The following ATXN1 variants were observed in gnomAD, a reference collection of about 807,000 sequenced individuals.
ATXN1 encodes the protein ataxin-1.
In ATXN1, 8 loss-of-function variants were observed where a neutral mutation model predicts 56.4. The observed-to-expected ratio is 0.14, with a 90% CI of 0.08 to 0.26. The LOEUF (loss-of-function observed/expected upper bound fraction) is 0.26. Among genes scored for constraint, ATXN1 ranks in the 10% least tolerant of loss-of-function variants. The probability of loss-of-function intolerance (pLI) is 1.00; values close to 1 mark genes in which losing one functional copy is unlikely to be tolerated. For synonymous variants in ATXN1, 514 were observed against 494.6 expected (o/e 1.04, Z -0.52); for missense variants, 987 against 1,106.5 (o/e 0.89, Z 1.53).
chr6:16,677,647 C>G (rs1337484619), intron 2 of ATXN1, among the ~76,000 whole-genome samples: 1 of 152,170 alleles, frequency 6.6e-6, no homozygotes. Context: ...GTGCCGTTGT[C>G]TGCTGAAGGT....
intron 2 of ATXN1, among the ~76,000 whole-genome samples, chr6:16,684,116 T>A (rs907206892): frequency 2.0e-5 from 3 of 152,208 alleles, no homozygotes; most frequent in Non-Finnish European, 2.9e-5. Context: ...CTTCAGGGAC[T>A]ATTGTCAAAC....
chr6:16,409,516 G>C (rs1758754573), intron 6 of ATXN1, among the ~76,000 whole-genome samples: 3 of 152,002 alleles, frequency 2.0e-5, no homozygotes, highest in Admixed American at 2.0e-4. Context: ...AACCTGGCGT[G>C]GTGGCTCACG....
chr6:16,758,084 A>G (rs925128119), intron 1 of ATXN1, among the ~76,000 whole-genome samples: 2 of 152,226 alleles, frequency 1.3e-5, no homozygotes, highest in African/African-American at 4.8e-5. Context: ...ATCACAGCCA[A>G]TAGATCCAAA....
intron 6 of ATXN1, among the ~76,000 whole-genome samples, chr6:16,386,616 C>T (rs2113514536): frequency 6.6e-6 from 1 of 152,230 alleles, no homozygotes; most frequent in African/African-American, 2.4e-5. Flanking sequence ...TGATCTGCTG[C>T]ACAAGGCCAC....
chr6:16,319,930 C>A (rs1296410977), intron 7 of ATXN1, among the ~76,000 whole-genome samples: 1 of 151,784 alleles, frequency 6.6e-6, no homozygotes, highest in African/African-American at 2.4e-5. Flanking sequence ...TCTGTTGGAG[C>A]CTTTCCAGCA....
intron 4 of ATXN1, among the ~76,000 whole-genome samples, chr6:16,576,151 A>G (rs950756386): frequency 6.6e-6 from 1 of 152,144 alleles, no homozygotes; most frequent in Non-Finnish European, 1.5e-5. Flanking sequence ...TTCAAATCCA[A>G]TTTCATCGTT....
chr6:16,685,933 C>T (rs889484397), intron 2 of ATXN1, among the ~76,000 whole-genome samples: 1 of 152,048 alleles, frequency 6.6e-6, no homozygotes, highest in Admixed American at 6.6e-5. Context: ...TTTCCAGGGA[C>T]AAAAAGTATA....
chr6:16,749,219 C>CACAAATGAACAATTGCT (rs1760633892), intron 2 of ATXN1, among the ~76,000 whole-genome samples: 1 of 152,068 alleles, frequency 6.6e-6, no homozygotes, highest in African/African-American at 2.4e-5. Context: ...AATGAATTGC[C>CACAAATGAACAATTGCT]ACAAATGAAC....
intron 2 of ATXN1, among the ~76,000 whole-genome samples, chr6:16,743,749 G>A (rs1760426019): frequency 6.6e-6 from 1 of 152,204 alleles, no homozygotes; most frequent in African/African-American, 2.4e-5. Context: ...CAAGAATGAG[G>A]GAAAGGTAGC....
chr6:16,347,958 C>G (rs1761462595), intron 6 of ATXN1, among the ~76,000 whole-genome samples: 2 of 152,212 alleles, frequency 1.3e-5, no homozygotes, highest in African/African-American at 4.8e-5. Context: ...ATAACACTCA[C>G]CGGAAAGGTC....
intron 3 of ATXN1, among the ~76,000 whole-genome samples, chr6:16,605,425 G>A (rs1762986271): frequency 6.6e-6 from 1 of 152,174 alleles, no homozygotes; most frequent in Admixed American, 6.5e-5. Context: ...TTATATAACA[G>A]GGCTGCCCAT....
At chr6:16,751,720 A>G (rs1469486299) in intron 2 of ATXN1, among the ~76,000 whole-genome samples, 2 of 152,238 alleles carry the variant, frequency 1.3e-5, no homozygotes, top group Non-Finnish European at 2.9e-5. Context: ...GGTGGGTCCA[A>G]AGACCAAGGT....
chr6:16,386,546 T>A (rs1758243973), intron 6 of ATXN1, among the ~76,000 whole-genome samples: 1 of 152,210 alleles, frequency 6.6e-6, no homozygotes, highest in Non-Finnish European at 1.5e-5. Flanking sequence ...TTAACATATG[T>A]GGATATCGTG....
Position 16,712,715 on chromosome 6 carries a change from CT to C in ATXN1, c.-615+40517del, listed in dbSNP as rs36016138. ...ACCTGAACATATCCCTCCGTTTTTG[CT>C]TTTTTTTTTTTTCTTTTGCCCCTTA... On this transcript the variant is annotated intron_variant, in intron 2 of 7. Transcript: ENST00000436367. Among the ~76,000 whole-genome samples, 106 of 145,358 alleles carry C rather than the reference CT, an allele frequency of 7.3e-4. 1 individual carries two copies. Among genetic ancestry groups the C allele is most frequent in the East Asian group, 3.4e-3 (17 of 4,946 alleles).
intron 2 of ATXN1, among the ~76,000 whole-genome samples, chr6:16,731,770 T>A (rs1215749265): frequency 1.3e-5 from 2 of 151,966 alleles, no homozygotes; most frequent in African/African-American, 2.4e-5. Context: ...TTCTCCCACC[T>A]ACCCCCACCC....
At position 16,330,394 on chromosome 6, in the gene ATXN1, T is replaced by C. The variant is rs552187057; in HGVS notation, c.-160-1924A>G. Among the ~76,000 whole-genome samples the C allele has an allele frequency of 2.0e-4, 26 of 132,394 alleles. No individual in the cohort carries two copies. In the South Asian group the frequency reaches 7.4e-3, roughly 38 times the overall value. 86.9% of individuals were successfully genotyped at this position (132,394 alleles called of 152,430 possible). ...ATTTTTTTCCTTCCTTCCTTCCTTT[T>C]TTTTTTTTTTTTTTTGAAAAGGTCT... On this transcript the variant is annotated intron_variant, in intron 6 of 7. Transcript: ENST00000436367.
intron 6 of ATXN1, among the ~76,000 whole-genome samples, chr6:16,421,020 G>C (rs1360967203): frequency 6.6e-6 from 1 of 152,224 alleles, no homozygotes; most frequent in Non-Finnish European, 1.5e-5. Context: ...TAGGAAAACT[G>C]CTCTGGCTGG....
At chr6:16,650,878 G>T (rs778855194) in intron 3 of ATXN1, among the ~76,000 whole-genome samples, 1 of 152,196 alleles carries the variant, frequency 6.6e-6, no homozygotes, top group Non-Finnish European at 1.5e-5. Context: ...TGTCAGAAAT[G>T]CCCTGAATCT....
At chr6:16,420,422 T>A (rs1281159757) in intron 6 of ATXN1, among the ~76,000 whole-genome samples, 1 of 152,246 alleles carries the variant, frequency 6.6e-6, no homozygotes, top group East Asian at 1.9e-4. Context: ...ATTTGCGTGT[T>A]TTTATTTAAC....
Sources: allele counts gnomAD v4.1 joint callset (sites outside exome capture counted in the v4.1 genomes callset), GRCh38; gene constraint gnomAD v4.1.1; transcripts MANE v1.5; gene names NCBI Gene and HGNC (gene_info 2026-07-23, HGNC 2026-07-21).